Variants in ATP13A3 observed in about 807,000 individuals in gnomAD.
The protein encoded by ATP13A3 is ATPase 13A3.
A neutral mutation model predicts 158.1 loss-of-function variants in ATP13A3; 59 were observed. The ratio of observed to expected loss-of-function variants is 0.37; its 90% CI spans 0.30 to 0.46. ATP13A3 has a LOEUF of 0.46. ATP13A3 is among the 20% of genes least tolerant of loss of function. ATP13A3 has a pLI of 1.00. For synonymous variants in ATP13A3, 491 were observed against 504.3 expected (o/e 0.97, Z 0.35); for missense variants, 1,166 against 1,525.2 (o/e 0.76, Z 3.92).
At chr3:194,469,357 G>C (rs909750615) in intron 2 of ATP13A3, among the ~76,000 whole-genome samples, 1 of 152,040 alleles carries the variant, frequency 6.6e-6, no homozygotes, top group African/African-American at 2.4e-5. Context: ...ACTAGGGAGA[G>C]GCTGAGGCAG....
chr3:194,404,027 G>A lies in ATP13A3; in HGVS notation c.*1892C>T, dbSNP rs1177572215. ...TACTTAGCAATTACTTTCATTATATGCTTCAGTACTTAAACCAAAGAATAA... is the reference window on the plus strand; with the variant it reads ...TACTTAGCAATTACTTTCATTATATACTTCAGTACTTAAACCAAAGAATAA... On this transcript the variant is annotated 3_prime_UTR_variant, in exon 34 of 34. Transcript: ENST00000645319. 4.9e-6 allele frequency: 2 copies of A among 406,938 alleles called. No homozygotes were observed. The highest frequency in any genetic ancestry group is 9.7e-6 in the Non-Finnish European group (2 of 206,864). 25.2% of individuals were successfully genotyped at this position (406,938 alleles called of 1,614,324 possible). A position where few individuals can be genotyped will look rare whatever the true frequency, so the allele number is the denominator to read the frequency against.
chr3:194,454,626 A>AG (rs1029579361), intron 8 of ATP13A3, among the ~76,000 whole-genome samples: 116 of 151,676 alleles, frequency 7.6e-4, no homozygotes, highest in African/African-American at 2.6e-3. Context: ...CAGGAGATCA[A>AG]AACATCCTGG....
At chr3:194,407,436 A>C (rs971266522) in intron 33 of ATP13A3, among the ~76,000 whole-genome samples, 3 of 152,224 alleles carry the variant, frequency 2.0e-5, no homozygotes, top group African/African-American at 2.4e-5. Flanking sequence ...GAAGAGCAAA[A>C]ATACTTTAAA....
Position 194,407,355 on chromosome 3 carries a change from T to C in ATP13A3, c.3574-1239A>G, listed in dbSNP as rs1715010740. Among the ~76,000 whole-genome samples, 5 of 152,240 alleles carry C rather than the reference T, an allele frequency of 3.3e-5. No homozygotes were observed. The South Asian group carries it at 1.0e-3, about 32-fold the overall frequency. On this transcript the variant is annotated intron_variant, in intron 33 of 33. Transcript: ENST00000645319. ...CTACATATTCTAATGTTACCCAAAA[T>C]GCCTCATGATTTAAAAAGGCAAGTT...
chr3:194,426,658 C>T (rs1169409064), intron 29 of ATP13A3, among the ~76,000 whole-genome samples: 1 of 152,136 alleles, frequency 6.6e-6, no homozygotes, highest in Non-Finnish European at 1.5e-5. Context: ...GATATACAGG[C>T]AAATACAAGC....
rs1718580929 is a variant in ATP13A3, at chr3:194,448,717, A to T, written c.971-81T>A. 3.0e-6 allele frequency: 4 copies of T among 1,320,668 alleles called. No homozygotes were observed. In the South Asian group the frequency reaches 4.2e-5, roughly 14 times the overall value. The allele number at this position is 1,320,668 out of a possible 1,614,324, so 81.8% of individuals were successfully genotyped here. ...CAGGAATCAGTATCGAACACCAAAA[A>T]ATATTAAATTGTTAAATATTTTAAA... On this transcript the variant is annotated intron_variant, in intron 11 of 33. Coordinates refer to ENST00000645319, the MANE Select transcript of ATP13A3 (RefSeq NM_001367549.1). This position sits in a 1 kb window ranked among gnomAD's most constrained non-coding sequence, Gnocchi z 4.0.
chr3:194,444,468 T>TAG (rs1168776153), intron 15 of ATP13A3, among the ~76,000 whole-genome samples: 1 of 152,180 alleles, frequency 6.6e-6, no homozygotes, highest in Non-Finnish European at 1.5e-5. Context: ...GATTTATACT[T>TAG]AGAAAAAATA....
At chr3:194,472,693 C>T (rs1261694619) in intron 2 of ATP13A3, among the ~76,000 whole-genome samples, 4 of 152,110 alleles carry the variant, frequency 2.6e-5, no homozygotes, top group African/African-American at 9.7e-5. Context: ...AAGACACATG[C>T]ACTCATATGT....
intron 29 of ATP13A3, 113 bp from the exon 30 acceptor site, chr3:194,425,642 T>C (rs894047728): frequency 1.1e-5 from 9 of 810,846 alleles, no homozygotes; most frequent in Non-Finnish European, 1.9e-6. Context: ...AGAAATATGA[T>C]ATTTACAGCA....
In ATP13A3 at chr3:194,429,751, G is replaced by A; in HGVS notation, c.2801C>T (p.Thr934Ile). ...LIREGRAALI[T>I]SFCVFKFMAL... Reference sequence around the variant, plus strand: ...CATGAATTTAAACACACAGAAGGAAGTTATTAAAGCAGCACGGCCTTCCCT... The same window carrying A: ...CATGAATTTAAACACACAGAAGGAAATTATTAAAGCAGCACGGCCTTCCCT... The change falls in exon 27 of 34, where the codon ACT (threonine) becomes ATT (isoleucine). Residue 934 changes from threonine to isoleucine, a missense_variant. Transcript: ENST00000645319. 1 of 1,613,922 alleles carries A rather than the reference G, an allele frequency of 6.2e-7. No homozygotes were observed. The highest frequency in any genetic ancestry group is 8.5e-7 in the Non-Finnish European group (1 of 1,179,868).
intron 6 of ATP13A3, among the ~76,000 whole-genome samples, chr3:194,457,587 T>C: frequency 6.6e-6 from 1 of 152,118 alleles, no homozygotes; most frequent in Non-Finnish European, 1.5e-5. Context: ...GTTTCTCCTT[T>C]TCAATTTTAG....
chr3:194,445,473 T>TA (rs1718338471), intron 14 of ATP13A3, among the ~76,000 whole-genome samples: 1 of 152,212 alleles, frequency 6.6e-6, no homozygotes, highest in Admixed American at 6.5e-5. Context: ...TAATGTCTGA[T>TA]GCTGTCCCCT....
intron 9 of ATP13A3, 124 bp downstream of exon 9, chr3:194,454,134 T>C (rs79164157): frequency 4.0e-6 from 4 of 1,009,374 alleles, no homozygotes; most frequent in Middle Eastern, 3.3e-4. Flanking sequence ...GGAGCATATA[T>C]TCATGCAACT....
Position 194,494,107 on chromosome 3 carries a change from C to A in ATP13A3, n.689G>T. 2.5e-6 allele frequency: 1 copy of A among 398,546 alleles called. No homozygotes were observed. Among genetic ancestry groups the A allele is most frequent in the Non-Finnish European group, 4.4e-6 (1 of 226,060 alleles). The allele number at this position is 398,546 out of a possible 1,614,324, so 24.7% of individuals were successfully genotyped here. A position where few individuals can be genotyped will look rare whatever the true frequency, so the allele number is the denominator to read the frequency against. On this transcript the variant is annotated non_coding_transcript_exon_variant, in exon 2 of 33. Transcript: ENST00000687055. This position sits in a 1 kb window ranked among gnomAD's most constrained non-coding sequence, Gnocchi z 4.2. ...CTTTGCTCCAGGGCCAAACTCTTGA[C>A]CACTATAACCAAATGAAGCCAGAGT...
chr3:194,488,642 G>C (rs1271784872), upstream of ATP13A3: 1 of 152,302 alleles, frequency 6.6e-6, no homozygotes, highest in Non-Finnish European at 1.5e-5. This position sits in a 1 kb window ranked among gnomAD's most constrained non-coding sequence, Gnocchi z 4.1. Flanking sequence ...TGCTACATTT[G>C]ACACCTTGGG....
chr3:194,437,576 A>G lies in ATP13A3; in HGVS notation c.1828-3T>C, dbSNP rs1717744576. 1 of 1,603,650 alleles carries G rather than the reference A, an allele frequency of 6.2e-7. No individual in the cohort carries two copies. The highest frequency in any genetic ancestry group is 1.3e-5 in the African/African-American group (1 of 74,344). On this transcript the variant is annotated splice_polypyrimidine_tract_variant and splice_region_variant and intron_variant, in intron 17 of 33. Transcript: ENST00000645319. The stretch of plus-strand genomic sequence containing the variant: ...CTTACTGGAAGTTCAAACAGCTCCT[A>G]AAAACGAAACAAAACAAGAAAAAAT...
At chr3:194,415,214 G>GA (rs1221040494) in intron 31 of ATP13A3, among the ~76,000 whole-genome samples, 11 of 152,176 alleles carry the variant, frequency 7.2e-5, no homozygotes, top group Non-Finnish European at 1.5e-4. Flanking sequence ...AGTAAGACTG[G>GA]AAAAAAATAC....
chr3:194,483,106 CA>C (rs112702787), intron 2 of ATP13A3, among the ~76,000 whole-genome samples: 187 of 124,428 alleles, frequency 1.5e-3, no homozygotes, highest in South Asian at 1.8e-3. Context: ...GACTCCGTCT[CA>C]AAAAAAAAAA....
At chr3:194,423,377 C>T (rs779133648) in intron 30 of ATP13A3, among the ~76,000 whole-genome samples, 5 of 152,146 alleles carry the variant, frequency 3.3e-5, no homozygotes, top group African/African-American at 4.8e-5. Context: ...TTATAGAGAG[C>T]AACAACTGGC....
Sources: allele counts gnomAD v4.1 joint callset (sites outside exome capture counted in the v4.1 genomes callset), GRCh38; gene constraint gnomAD v4.1.1; non-coding constraint Gnocchi (gnomAD v3.1); transcripts MANE v1.5; gene names NCBI Gene and HGNC (gene_info 2026-07-23, HGNC 2026-07-21).